Variants in DPP10 observed in about 807,000 individuals in gnomAD.
The protein encoded by DPP10 is dipeptidyl peptidase like 10.
Under a neutral mutation model 120.9 loss-of-function variants are expected in DPP10, and 33 were observed. That is an observed-to-expected ratio of 0.27 (90% CI 0.21 to 0.37). DPP10 has a LOEUF of 0.37. DPP10 is among the 10% of genes least tolerant of loss of function. The pLI is 1.00. For missense variants in DPP10, 816 were observed against 942.8 expected (o/e 0.87, Z 1.76); for synonymous variants, 337 against 326.1 (o/e 1.03, Z -0.36).
chr2:115,805,824 A>C (rs990691018), intron 19 of DPP10, among the ~76,000 whole-genome samples: 2 of 151,930 alleles, frequency 1.3e-5, no homozygotes, highest in African/African-American at 4.8e-5. Context: ...GTCCGCCTGC[A>C]TTGGCCTCCC....
At chr2:114,711,430 G>A (rs778023383) in intron 1 of DPP10, among the ~76,000 whole-genome samples, 1 of 152,204 alleles carries the variant, frequency 6.6e-6, no homozygotes, top group Non-Finnish European at 1.5e-5. Context: ...AGCTGCCTGG[G>A]TTACAATGGG....
chr2:115,813,561 A>G (rs1375929196), intron 19 of DPP10, among the ~76,000 whole-genome samples: 2 of 152,214 alleles, frequency 1.3e-5, no homozygotes, highest in Non-Finnish European at 2.9e-5. Flanking sequence ...GGTGTTAGGG[A>G]TTCAACATAT....
chr2:115,644,513 A>G (rs112973556), intron 5 of DPP10, among the ~76,000 whole-genome samples: 2,546 of 152,162 alleles, frequency 0.017, 67 homozygotes, highest in African/African-American at 0.059. Flanking sequence ...GCTCATACCT[A>G]TAAACCCAAC....
intron 1 of DPP10, among the ~76,000 whole-genome samples, chr2:115,104,928 C>T (rs2048873853): frequency 6.6e-6 from 1 of 151,988 alleles, no homozygotes; most frequent in South Asian, 2.1e-4. Context: ...ATTGCTTGAA[C>T]CCAGGAGCCA....
chr2:115,305,839 C>T (rs1370646421), intron 1 of DPP10, among the ~76,000 whole-genome samples: 1 of 151,810 alleles, frequency 6.6e-6, no homozygotes, highest in Non-Finnish European at 1.5e-5. Flanking sequence ...TATGAGGGAT[C>T]TTTATACATG....
chr2:115,499,311 T>C (rs1309337477), intron 3 of DPP10, among the ~76,000 whole-genome samples, 199 bp from the exon 4 acceptor site: 1 of 152,080 alleles, frequency 6.6e-6, no homozygotes, highest in African/African-American at 2.4e-5. Context: ...CCCTTGTTCA[T>C]TGCACAATAG....
intron 1 of DPP10, among the ~76,000 whole-genome samples, chr2:114,553,728 C>T (rs1045249182): frequency 6.6e-6 from 1 of 151,444 alleles, no homozygotes; most frequent in South Asian, 2.1e-4. Flanking sequence ...TTATTTGATT[C>T]AAACAGTAGA....
chr2:114,769,843 A>G (rs981739171), intron 1 of DPP10, among the ~76,000 whole-genome samples: 11 of 152,190 alleles, frequency 7.2e-5, no homozygotes, highest in Non-Finnish European at 1.5e-4. Context: ...TTTATACCCA[A>G]AGACATTGGA....
chr2:115,088,784 A>G (rs1708987349), intron 1 of DPP10, among the ~76,000 whole-genome samples: 1 of 151,266 alleles, frequency 6.6e-6, no homozygotes. Context: ...AAAACAAAAA[A>G]AACCTTAAAA....
At chr2:114,962,914 G>T (rs1447123567) in intron 1 of DPP10, among the ~76,000 whole-genome samples, 3 of 152,014 alleles carry the variant, frequency 2.0e-5, no homozygotes, top group Non-Finnish European at 2.9e-5. Context: ...AATCTTTAAT[G>T]TAAGATTTAT....
At chr2:115,324,691 G>C (rs2062251144) in intron 2 of DPP10, among the ~76,000 whole-genome samples, 1 of 152,174 alleles carries the variant, frequency 6.6e-6, no homozygotes, top group Non-Finnish European at 1.5e-5. Context: ...ATGTTCAATA[G>C]ATTAGCACTT....
At chr2:114,621,367 A>C (rs906730496) in intron 1 of DPP10, among the ~76,000 whole-genome samples, 1 of 151,920 alleles carries the variant, frequency 6.6e-6, no homozygotes, top group Non-Finnish European at 1.5e-5. Context: ...GCACTGTGCT[A>C]ATATGCCTTT....
At chr2:114,896,291 G>C (rs955834345) in intron 1 of DPP10, among the ~76,000 whole-genome samples, 8 of 152,126 alleles carry the variant, frequency 5.3e-5, no homozygotes, top group Non-Finnish European at 1.2e-4. Context: ...GTAGCTTTAT[G>C]GGGATGGCAT....
chr2:115,227,179 A>G (rs911628096), intron 1 of DPP10, among the ~76,000 whole-genome samples: 1 of 152,148 alleles, frequency 6.6e-6, no homozygotes, highest in Non-Finnish European at 1.5e-5. Flanking sequence ...GTCTTATTCA[A>G]ATTGCATGTA....
At chr2:115,805,592 GA>G (rs1685852754) in intron 19 of DPP10, among the ~76,000 whole-genome samples, 1 of 92,248 alleles carries the variant, frequency 1.1e-5, no homozygotes, top group African/African-American at 4.7e-5. Flanking sequence ...TTTTTTTTTT[GA>G]GACGCAGTCT....
chr2:115,703,508 A>G (rs1361568300), intron 7 of DPP10, among the ~76,000 whole-genome samples: 1 of 152,000 alleles, frequency 6.6e-6, no homozygotes, highest in Non-Finnish European at 1.5e-5. Context: ...GTATTAATGA[A>G]TTGATGTTTC....
At chr2:115,451,993 C>G (rs1320655878) in intron 3 of DPP10, among the ~76,000 whole-genome samples, 3 of 151,814 alleles carry the variant, frequency 2.0e-5, no homozygotes, top group Non-Finnish European at 2.9e-5. Context: ...TGTATTTGGT[C>G]TACCTAGACC....
intron 1 of DPP10, among the ~76,000 whole-genome samples, chr2:114,824,215 T>C (rs1168660185): frequency 6.6e-6 from 1 of 152,222 alleles, no homozygotes; most frequent in African/African-American, 2.4e-5. Context: ...GTGTTAATAC[T>C]GTGAAATGAA....
chr2:115,430,477 A>G (rs1389207022), intron 3 of DPP10, among the ~76,000 whole-genome samples: 1 of 152,180 alleles, frequency 6.6e-6, no homozygotes, highest in East Asian at 1.9e-4. Flanking sequence ...AGTAACATTG[A>G]GGCTCCTTTA....
Sources: gnomAD v4.1 joint callset for allele counts (sites outside exome capture counted in the v4.1 genomes callset) on GRCh38, gnomAD v4.1.1 for gene constraint, MANE v1.5 for transcripts, NCBI Gene and HGNC (gene_info 2026-07-23, HGNC 2026-07-21) for gene names.